Variants in HIVEP2 observed in about 807,000 individuals in gnomAD.
HIVEP2 encodes HIVEP zinc finger 2.
In HIVEP2, 14 loss-of-function variants were observed where a neutral mutation model predicts 180.7. The observed-to-expected ratio is 0.08, with a 90% CI of 0.05 to 0.12. HIVEP2 has a LOEUF of 0.12. HIVEP2 is among the 10% of genes least tolerant of loss of function. The pLI, the probability that HIVEP2 is intolerant of heterozygous loss-of-function variation, is 1.00. For missense variants in HIVEP2, 2,579 were observed against 3,008.5 expected (o/e 0.86, Z 3.34); for synonymous variants, 1,184 against 1,136.4 (o/e 1.04, Z -0.84).
chr6:142,761,575 G>T lies in HIVEP2; in HGVS notation c.5519-10C>A. 3.4e-6 allele frequency: 5 copies of T among 1,474,934 alleles called. No individual in the cohort carries two copies. Among genetic ancestry groups the T allele is most frequent in the Non-Finnish European group, 4.7e-6 (5 of 1,057,132 alleles). 91.4% of individuals were successfully genotyped at this position (1,474,934 alleles called of 1,614,324 possible). On this transcript the variant is annotated splice_polypyrimidine_tract_variant and intron_variant, in intron 7 of 9. Transcript: ENST00000367603. The stretch of plus-strand genomic sequence containing the variant: ...TGCTTCGTTAGGTTTCCTTGAAAAT[G>T]TAGCAAAAAAAAGAGAGAAATTAAT...
intron 1 of HIVEP2, among the ~76,000 whole-genome samples, chr6:142,919,698 A>G (rs939902769): frequency 2.0e-5 from 3 of 152,236 alleles, no homozygotes; most frequent in African/African-American, 7.2e-5. Flanking sequence ...ATAAGATGTA[A>G]TATACATTAT....
rs1269501635 is a variant in HIVEP2 at position 142,771,827 on chromosome 6, C to T, written c.2912G>A (p.Ser971Asn). 1 of 1,614,212 alleles carries T rather than the reference C, an allele frequency of 6.2e-7. No homozygotes were observed. ...GAAACTGGAGCTGTGGGACAAGTTG[C>T]TTTCTTGGCTGGGGCTGCGGGAGAG... ...TGLSRSPSQE[S>N]NLSHSSSFSM... The change falls in exon 5 of 10, where the codon AGC becomes AAC. Residue 971 changes from serine (S) to asparagine (N), a missense_variant. Coordinates refer to ENST00000367603, the MANE Select transcript of HIVEP2 (RefSeq NM_006734.4). The surrounding 1 kb of genome is among the most constrained non-coding windows in gnomAD (Gnocchi z 5.4).
intron 1 of HIVEP2, among the ~76,000 whole-genome samples, chr6:142,906,662 T>A (rs1777270967): frequency 6.6e-6 from 1 of 152,032 alleles, no homozygotes; most frequent in Non-Finnish European, 1.5e-5. Context: ...TAGAAAATTG[T>A]CACCATTAAA....
At chr6:142,896,966 C>A (rs557800555) in intron 1 of HIVEP2, among the ~76,000 whole-genome samples, 3 of 152,180 alleles carry the variant, frequency 2.0e-5, no homozygotes, top group African/African-American at 7.2e-5. Flanking sequence ...CAGAGTATGA[C>A]TATATTGTTC....
In HIVEP2 at chr6:142,760,146, G is replaced by C. The variant is rs759381953; in HGVS notation, c.6142C>G (p.Pro2048Ala). The change falls in exon 9 of 10, where the codon CCA (proline) becomes GCA (alanine). Residue 2048 changes from proline (P) to alanine (A), a missense_variant. Coordinates refer to ENST00000367603, the MANE Select transcript of HIVEP2 (RefSeq NM_006734.4). ...CGACAGGGTGAAGAATCATATCCTG[G>C]AGAGGAATGGTGGCTTGAGGGTGAG... is the stretch of plus-strand genomic sequence containing the variant. The part of the protein sequence containing the change: ...DFSPSSHHSS[P>A]GYDSSPCRDN... The C allele has an allele frequency of 6.2e-7, 1 of 1,614,036 alleles. No individual in the cohort carries two copies. Among genetic ancestry groups the C allele is most frequent in the Non-Finnish European group, 8.5e-7 (1 of 1,180,024 alleles).
chr6:142,783,274 G>C lies in HIVEP2; in HGVS notation c.-433+247C>G, dbSNP rs377192794. On this transcript the variant is annotated intron_variant, in intron 3 of 9. Coordinates refer to ENST00000367603, the MANE Select transcript of HIVEP2 (RefSeq NM_006734.4). Reference sequence around the variant, plus strand: ...ACTCGGGAGGCAGAGGTTGCAGTGAGCCAAGATTGTGCCACTGCACTCCAG... The same window carrying C: ...ACTCGGGAGGCAGAGGTTGCAGTGACCCAAGATTGTGCCACTGCACTCCAG... Among the ~76,000 whole-genome samples, 57 of 123,282 alleles carry C rather than the reference G, an allele frequency of 4.6e-4. 1 individual carries two copies. In the South Asian group the frequency reaches 9.7e-3, roughly 21 times the overall value. 80.9% of individuals were successfully genotyped at this position (123,282 alleles called of 152,430 possible).
intron 1 of HIVEP2, among the ~76,000 whole-genome samples, chr6:142,903,905 T>A (rs1777196990): frequency 6.6e-6 from 1 of 152,172 alleles, no homozygotes; most frequent in Non-Finnish European, 1.5e-5. Flanking sequence ...TTAGTAGCAA[T>A]TTGATACTTT....
At chr6:142,871,869 C>A (rs1776297372) in intron 1 of HIVEP2, among the ~76,000 whole-genome samples, 1 of 152,088 alleles carries the variant, frequency 6.6e-6, no homozygotes, top group African/African-American at 2.4e-5. Flanking sequence ...GACAAGCCAC[C>A]CTAAATTCAG....
At chr6:142,865,816 C>T (rs990450524) in intron 1 of HIVEP2, among the ~76,000 whole-genome samples, 5 of 152,098 alleles carry the variant, frequency 3.3e-5, no homozygotes, top group Admixed American at 1.3e-4. Flanking sequence ...TGCCTTGGGA[C>T]GAGTTATGAA....
chr6:142,921,807 G>A (rs1210591725), intron 1 of HIVEP2, among the ~76,000 whole-genome samples: 1 of 152,182 alleles, frequency 6.6e-6, no homozygotes, highest in East Asian at 1.9e-4. Context: ...CCTTTAGTCA[G>A]AAACTTTGGG....
chr6:142,765,491 G>C (rs1310148727), intron 6 of HIVEP2, among the ~76,000 whole-genome samples: 9 of 152,120 alleles, frequency 5.9e-5, no homozygotes. Context: ...TACAATCCTG[G>C]CACGAGAGTG....
At chr6:142,782,395 CA>C (rs1158007855) in intron 3 of HIVEP2, among the ~76,000 whole-genome samples, 1 of 152,040 alleles carries the variant, frequency 6.6e-6, no homozygotes, top group Non-Finnish European at 1.5e-5. Context: ...AACCACCGCT[CA>C]GAGCATATAT....
intron 2 of HIVEP2, among the ~76,000 whole-genome samples, chr6:142,788,808 T>C (rs1776070244): frequency 6.6e-6 from 1 of 152,082 alleles, no homozygotes; most frequent in African/African-American, 2.4e-5. Context: ...GTTCAACAAA[T>C]GACATAAATA....
chr6:142,770,070 T>TG lies in HIVEP2; in HGVS notation c.4668dup (p.Ser1557GlnfsTer5). On this transcript the variant is annotated frameshift_variant, in exon 5 of 10. Transcript: ENST00000367603. LOFTEE classifies it high-confidence loss of function. The surrounding 1 kb of genome is among the most constrained non-coding windows in gnomAD (Gnocchi z 4.7). ...GATTCTTTGCTTTCAGAAGGCCCAC[T>TG]GGACTTCTGCCCCGGAAGTGGTGCC... 6.2e-7 allele frequency: 1 copy of TG among 1,614,220 alleles called. No homozygotes were observed. The highest frequency in any genetic ancestry group is 8.5e-7 in the Non-Finnish European group (1 of 1,180,048).
At chr6:142,763,202 T>C (rs2114622257) in intron 7 of HIVEP2, among the ~76,000 whole-genome samples, 1 of 152,294 alleles carries the variant, frequency 6.6e-6, no homozygotes, top group East Asian at 1.9e-4. Context: ...ACCATGGCTT[T>C]AGTTTGTTAA....
intron 9 of HIVEP2, among the ~76,000 whole-genome samples, chr6:142,757,769 C>T (rs1775114851): frequency 6.6e-6 from 1 of 152,210 alleles, no homozygotes; most frequent in Admixed American, 6.5e-5. Context: ...CTCTCTCTAA[C>T]TTTCTGGGCA....
intron 2 of HIVEP2, among the ~76,000 whole-genome samples, chr6:142,824,546 G>C (rs1057122765): frequency 6.6e-6 from 1 of 152,188 alleles, no homozygotes; most frequent in African/African-American, 2.4e-5. Flanking sequence ...CCAGCTGTGT[G>C]TTCGTAAGGT....
chr6:142,902,265 G>A (rs1777149999), intron 1 of HIVEP2, among the ~76,000 whole-genome samples: 1 of 152,150 alleles, frequency 6.6e-6, no homozygotes, highest in African/African-American at 2.4e-5. Context: ...ATGTTGATGT[G>A]ACACAATTCC....
chr6:142,886,860 A>G (rs923548699), intron 1 of HIVEP2, among the ~76,000 whole-genome samples: 7 of 152,138 alleles, frequency 4.6e-5, no homozygotes, highest in African/African-American at 1.7e-4. Flanking sequence ...ACAAAATGAC[A>G]TTTCTCTTCC....
Sources: allele counts gnomAD v4.1 joint callset (sites outside exome capture counted in the v4.1 genomes callset), GRCh38; gene constraint gnomAD v4.1.1; non-coding constraint Gnocchi (gnomAD v3.1); transcripts MANE v1.5; gene names NCBI Gene and HGNC (gene_info 2026-07-23, HGNC 2026-07-21).